Variants in DPP6 observed in about 807,000 individuals in gnomAD.
The protein encoded by DPP6 is dipeptidyl peptidase like 6.
In DPP6, 69 loss-of-function variants were observed where a neutral mutation model predicts 122.6. The observed-to-expected ratio is 0.56, with a 90% CI of 0.46 to 0.69. DPP6 has a LOEUF of 0.69. DPP6 is among the 30% of genes least tolerant of loss of function. The pLI is 0.00. For synonymous variants in DPP6, 418 were observed against 433.1 expected (o/e 0.97, Z 0.43); for missense variants, 928 against 1,116.9 (o/e 0.83, Z 2.41).
At chr7:154,035,349 A>T (rs928558445) in intron 1 of DPP6, among the ~76,000 whole-genome samples, 1 of 152,266 alleles carries the variant, frequency 6.6e-6, no homozygotes, top group Non-Finnish European at 1.5e-5. Context: ...TCTTTCATAT[A>T]TAGCAGTAAT....
In DPP6 at chr7:154,618,639, C is replaced by T. The variant is rs1834429557; in HGVS notation, c.628-19182C>T. On this transcript the variant is annotated intron_variant, in intron 5 of 25. Transcript: ENST00000377770. This position sits in a 1 kb window ranked among gnomAD's most constrained non-coding sequence, Gnocchi z 4.1. ...ACAGGATCGCTAGAAGCCGGGGCCA[C>T]AGCCCAGCTTCCACCCTCCTGATGG... Among the ~76,000 whole-genome samples, 1 of 152,226 alleles carries T rather than the reference C, an allele frequency of 6.6e-6. No homozygotes were observed. Among genetic ancestry groups the T allele is most frequent in the Non-Finnish European group, 1.5e-5 (1 of 68,040 alleles).
chr7:154,622,283 C>G (rs181446477), intron 5 of DPP6, among the ~76,000 whole-genome samples: 225 of 152,268 alleles, frequency 1.5e-3, no homozygotes, highest in African/African-American at 5.2e-3. Context: ...GAAGATGTTA[C>G]AGAGGCTGGT....
chr7:154,844,668 G>C (rs61007782), intron 16 of DPP6, among the ~76,000 whole-genome samples: 1 of 152,134 alleles, frequency 6.6e-6, no homozygotes, highest in Non-Finnish European at 1.5e-5. Flanking sequence ...CAGAGAAACC[G>C]GATGCGAAGG....
At chr7:154,666,262 A>G (rs2131083686) in intron 6 of DPP6, among the ~76,000 whole-genome samples, 1 of 149,256 alleles carries the variant, frequency 6.7e-6, no homozygotes, top group East Asian at 2.0e-4. Flanking sequence ...GGCTTTGTTA[A>G]CTCTGACATG....
At chr7:154,297,054 A>C (rs1805581087) in intron 1 of DPP6, among the ~76,000 whole-genome samples, 1 of 141,898 alleles carries the variant, frequency 7.0e-6, no homozygotes, top group South Asian at 2.5e-4. Context: ...TGATTGTGAA[A>C]TGTATTCTGT....
intron 1 of DPP6, among the ~76,000 whole-genome samples, chr7:154,141,595 A>T (rs772423237): frequency 2.0e-5 from 3 of 152,240 alleles, no homozygotes; most frequent in Non-Finnish European, 2.9e-5. Flanking sequence ...CCCAGTAGGT[A>T]CTTTGCAACA....
intron 5 of DPP6, among the ~76,000 whole-genome samples, chr7:154,580,240 C>T (rs140930508): frequency 4.7e-4 from 71 of 151,824 alleles, no homozygotes; most frequent in African/African-American, 1.7e-3. Flanking sequence ...TATACACACA[C>T]ACATGCACAC....
At chr7:153,861,365 T>C in the DPP6 span, among the ~76,000 whole-genome samples, 2 of 152,204 alleles carry the variant, frequency 1.3e-5, no homozygotes, top group African/African-American at 4.8e-5. Flanking sequence ...ATTTGGCCAA[T>C]GACTTAATAT....
intron 1 of DPP6, among the ~76,000 whole-genome samples, chr7:154,318,729 G>A (rs1172812361): frequency 6.6e-6 from 1 of 152,134 alleles, no homozygotes; most frequent in Admixed American, 6.5e-5. Flanking sequence ...TTTCTTTCTT[G>A]GGCTCAGTAA....
Position 154,010,738 on chromosome 7 carries a change from T to C in DPP6, c.51+123004T>C, listed in dbSNP as rs2533530. ...GACTTGGGGAAATTTAGACTGAGAT[T>C]ATTGAAGTGGCCTAGAGTTTGGAAA... On this transcript the variant is annotated intron_variant, in intron 1 of 25. Transcript: ENST00000404039. Among the ~76,000 whole-genome samples, 319 of 152,314 alleles carry C rather than the reference T, an allele frequency of 2.1e-3. 2 individuals are homozygous for C. Among genetic ancestry groups the C allele is most frequent in the African/African-American group, 7.1e-3 (296 of 41,568 alleles).
At chr7:154,351,361 C>T (rs1174553514) in intron 1 of DPP6, among the ~76,000 whole-genome samples, 1 of 152,152 alleles carries the variant, frequency 6.6e-6, no homozygotes, top group African/African-American at 2.4e-5. Context: ...TTCTCTTCTC[C>T]CAGGACCCTA....
At chr7:154,210,897 C>T (rs1301611550) in intron 1 of DPP6, among the ~76,000 whole-genome samples, 1 of 152,024 alleles carries the variant, frequency 6.6e-6, no homozygotes, top group African/African-American at 2.4e-5. Flanking sequence ...CAGTGCTAAC[C>T]ACTTTATTTA....
intron 1 of DPP6, among the ~76,000 whole-genome samples, chr7:153,920,561 C>CT (rs1489811189): frequency 4.8e-5 from 3 of 62,478 alleles, no homozygotes; most frequent in South Asian, 5.3e-4. Flanking sequence ...TTTTATCTCT[C>CT]TCTTTTTTTT....
intron 8 of DPP6, among the ~76,000 whole-genome samples, chr7:154,751,817 C>T (rs556996338): frequency 4.8e-4 from 73 of 151,942 alleles, no homozygotes; most frequent in East Asian, 2.3e-3. Flanking sequence ...GAAGAAGCAA[C>T]GTGGGAGGGC....
chr7:154,521,438 T>C (rs1826974366), intron 3 of DPP6, among the ~76,000 whole-genome samples: 1 of 152,124 alleles, frequency 6.6e-6, no homozygotes, highest in African/African-American at 2.4e-5. Context: ...GCCTTCGTTG[T>C]TTCAGTGGGG....
At chr7:154,012,488 A>C (rs1798195730) in intron 1 of DPP6, among the ~76,000 whole-genome samples, 1 of 152,192 alleles carries the variant, frequency 6.6e-6, no homozygotes, top group African/African-American at 2.4e-5. Flanking sequence ...GAAATTAAAA[A>C]CTTTTGTGCA....
chr7:153,780,174 A>T, the DPP6 span, among the ~76,000 whole-genome samples: 3 of 152,176 alleles, frequency 2.0e-5, no homozygotes, highest in Non-Finnish European at 4.4e-5. Flanking sequence ...TGAGAATCAA[A>T]AAAAGAGAAC....
intron 16 of DPP6, among the ~76,000 whole-genome samples, chr7:154,816,101 C>T (rs1280313441): frequency 1.3e-5 from 2 of 152,176 alleles, no homozygotes; most frequent in Non-Finnish European, 2.9e-5. Context: ...CTGCCACCTA[C>T]AGCTTCGCGA....
chr7:154,155,009 GCA>G (rs959574086), intron 1 of DPP6, among the ~76,000 whole-genome samples: 3 of 152,090 alleles, frequency 2.0e-5, no homozygotes, highest in African/African-American at 4.8e-5. Context: ...TGGGCTGTGG[GCA>G]CAGTGTCCTT....
Sources: gnomAD v4.1 joint callset for allele counts (sites outside exome capture counted in the v4.1 genomes callset) on GRCh38, gnomAD v4.1.1 for gene constraint, Gnocchi (gnomAD v3.1) non-coding constraint, MANE v1.5 for transcripts, NCBI Gene and HGNC (gene_info 2026-07-23, HGNC 2026-07-21) for gene names.